AFG2A: variants seen among roughly 807,000 people sequenced by gnomAD.
AFG2A encodes AAA ATPase AFG2A.
the AFG2A span, among the ~76,000 whole-genome samples, chr4:123,115,468 C>T: frequency 1.8e-4 from 27 of 152,210 alleles, no homozygotes; most frequent in South Asian, 5.6e-3. Flanking sequence ...CACCCCACAC[C>T]CCTGAAGTAC....
At chr4:122,943,330 G>T in the AFG2A span, among the ~76,000 whole-genome samples, 2 of 152,274 alleles carry the variant, frequency 1.3e-5, no homozygotes, top group South Asian at 2.1e-4. Context: ...TGTTTTGGGT[G>T]CATATATATT....
At chr4:122,987,950 ACT>A in the AFG2A span, among the ~76,000 whole-genome samples, 3 of 152,158 alleles carry the variant, frequency 2.0e-5, no homozygotes, top group Non-Finnish European at 4.4e-5. Context: ...TTTCATTTTA[ACT>A]TGATGAACTG....
chr4:123,010,631 A>G, the AFG2A span, among the ~76,000 whole-genome samples: 1 of 152,244 alleles, frequency 6.6e-6, no homozygotes, highest in African/African-American at 2.4e-5. Context: ...ATAAATACAC[A>G]CTTGTAACGC....
chr4:123,176,974 A>G, the AFG2A span, among the ~76,000 whole-genome samples: 13 of 152,300 alleles, frequency 8.5e-5, no homozygotes, highest in African/African-American at 3.1e-4. Flanking sequence ...CATGCCCACC[A>G]GTGTAAAATG....
chr4:122,975,217 G>T, the AFG2A span, among the ~76,000 whole-genome samples: 1 of 152,162 alleles, frequency 6.6e-6, no homozygotes, highest in African/African-American at 2.4e-5. Context: ...ATCCAAGATG[G>T]TGCCTTGAAT....
At chr4:122,979,218 T>A in the AFG2A span, 1 of 1,610,436 alleles carries the variant, frequency 6.2e-7, no homozygotes, top group East Asian at 2.2e-5. Context: ...TGTGTTACTT[T>A]CCTCTCTTTA....
the AFG2A span, among the ~76,000 whole-genome samples, chr4:122,960,036 G>T: frequency 2.6e-5 from 4 of 152,146 alleles, no homozygotes; most frequent in Admixed American, 6.5e-5. Context: ...TTTAGCTAGA[G>T]TGTGGTTTGA....
the AFG2A span, among the ~76,000 whole-genome samples, chr4:122,999,802 G>C: frequency 6.6e-6 from 1 of 151,952 alleles, no homozygotes; most frequent in East Asian, 1.9e-4. Flanking sequence ...CTCTTTTTTG[G>C]TTCCATATGA....
chr4:123,176,586 G>A, the AFG2A span, among the ~76,000 whole-genome samples: 1 of 152,048 alleles, frequency 6.6e-6, no homozygotes, highest in Non-Finnish European at 1.5e-5. Context: ...CAAATACAAG[G>A]GTTTTCATCT....
At chr4:122,948,785 C>A in the AFG2A span, among the ~76,000 whole-genome samples, 1 of 151,856 alleles carries the variant, frequency 6.6e-6, no homozygotes, top group Non-Finnish European at 1.5e-5. Context: ...TTCCACATGG[C>A]AACCTCCTTT....
chr4:122,966,207 C>T, the AFG2A span, among the ~76,000 whole-genome samples: 2 of 152,190 alleles, frequency 1.3e-5, no homozygotes, highest in South Asian at 4.1e-4. Flanking sequence ...AGAATCAATA[C>T]TTCAGAGTGG....
At chr4:122,988,401 CT>C in the AFG2A span, among the ~76,000 whole-genome samples, 88,294 of 122,816 alleles carry the variant, frequency 0.72, 31,057 homozygotes, top group East Asian at 0.92. Flanking sequence ...GTCATTCTTT[CT>C]TTTTTTTTTT....
chr4:123,316,919 A>C, the AFG2A span: 1 of 152,180 alleles, frequency 6.6e-6, no homozygotes, highest in African/African-American at 2.4e-5. Flanking sequence ...GATTTTTAAA[A>C]CATTTTTTAA....
chr4:123,146,772 G>A, the AFG2A span, among the ~76,000 whole-genome samples: 4 of 123,262 alleles, frequency 3.2e-5, no homozygotes, highest in East Asian at 6.3e-4. Context: ...ATCACAAGGG[G>A]TGGATGCCAA....
At chr4:123,277,914 G>T in the AFG2A span, among the ~76,000 whole-genome samples, 1 of 152,154 alleles carries the variant, frequency 6.6e-6, no homozygotes, top group Non-Finnish European at 1.5e-5. Flanking sequence ...TGTCTATCAA[G>T]TATATTGGCC....
At chr4:123,153,943 T>A in the AFG2A span, among the ~76,000 whole-genome samples, 3,267 of 152,268 alleles carry the variant, frequency 0.021, 112 homozygotes, top group African/African-American at 0.074. Flanking sequence ...AAACTGTTAA[T>A]CTAGAATTCC....
the AFG2A span, among the ~76,000 whole-genome samples, chr4:123,022,206 G>T: frequency 6.6e-6 from 1 of 151,702 alleles, no homozygotes; most frequent in African/African-American, 2.4e-5. Context: ...TTAAACTAAA[G>T]AGCTTCTGCA....
At chr4:123,177,772 C>A in the AFG2A span, among the ~76,000 whole-genome samples, 1 of 152,142 alleles carries the variant, frequency 6.6e-6, no homozygotes, top group African/African-American at 2.4e-5. Context: ...CCTCATTATG[C>A]TTTACTTTGC....
chr4:123,156,793 C>A, the AFG2A span, among the ~76,000 whole-genome samples: 1 of 150,162 alleles, frequency 6.7e-6, no homozygotes, highest in Non-Finnish European at 1.5e-5. Flanking sequence ...AAAAGAAACT[C>A]CTGTTCTTAA....
Sources: gnomAD v4.1 joint callset for allele counts (sites outside exome capture counted in the v4.1 genomes callset) on GRCh38, gnomAD v4.1.1 for gene constraint, MANE v1.5 for transcripts, NCBI Gene and HGNC (gene_info 2026-07-23, HGNC 2026-07-21) for gene names.